The following NOSTRIN variants were observed in gnomAD, a reference collection of about 807,000 sequenced individuals.
NOSTRIN encodes nitric oxide synthase trafficking.
Under a neutral mutation model 59.0 loss-of-function variants are expected in NOSTRIN, and 63 were observed. The ratio of observed to expected loss-of-function variants is 1.07; its 90% CI spans 0.87 to 1.32. The LOEUF (loss-of-function observed/expected upper bound fraction) is 1.32. Ranked by LOEUF, NOSTRIN falls within the 40% of genes most tolerant of loss-of-function variation. NOSTRIN has a pLI of 0.00. For synonymous variants in NOSTRIN, 200 were observed against 165.4 expected (o/e 1.21, Z -1.61); for missense variants, 512 against 473.1 (o/e 1.08, Z -0.76).
chr2:168,829,300 CTTTCTT>C (rs1351091988), intron 5 of NOSTRIN, among the ~76,000 whole-genome samples: 1 of 141,940 alleles, frequency 7.0e-6, no homozygotes, highest in African/African-American at 2.6e-5. Flanking sequence ...CCTTCCTTCT[CTTTCTT>C]TTTTTTTCTC....
intron 2 of NOSTRIN, among the ~76,000 whole-genome samples, chr2:168,788,259 A>T: frequency 6.8e-6 from 1 of 148,054 alleles, no homozygotes. Flanking sequence ...AAAAAAAAAG[A>T]TGATGATATT....
chr2:168,807,897 G>A (rs1484278576), intron 1 of NOSTRIN, among the ~76,000 whole-genome samples: 1 of 152,188 alleles, frequency 6.6e-6, no homozygotes, highest in East Asian at 1.9e-4. Context: ...AGACCTGGTA[G>A]CCCATGGGTC....
upstream of NOSTRIN, among the ~76,000 whole-genome samples, chr2:168,794,673 A>G (rs1685437389): frequency 6.6e-6 from 1 of 152,154 alleles, no homozygotes; most frequent in African/African-American, 2.4e-5. Context: ...TTTAACAAGT[A>G]CTCAGAGGGC....
chr2:168,799,639 G>A (rs1685565092), upstream of NOSTRIN, among the ~76,000 whole-genome samples: 1 of 152,146 alleles, frequency 6.6e-6, no homozygotes, highest in Non-Finnish European at 1.5e-5. Flanking sequence ...TGGGGTCAGA[G>A]GAGAGAACAG....
intron 2 of NOSTRIN, among the ~76,000 whole-genome samples, 179 bp from the exon 3 acceptor site, chr2:168,824,455 C>T (rs1020789423): frequency 5.3e-5 from 8 of 152,092 alleles, no homozygotes; most frequent in African/African-American, 9.7e-5. Context: ...CCTGCCACCA[C>T]GCCTGGCTAA....
intron 10 of NOSTRIN, among the ~76,000 whole-genome samples, chr2:168,853,049 A>T (rs760936455): frequency 7.2e-5 from 11 of 152,206 alleles, no homozygotes; most frequent in Non-Finnish European, 1.2e-4. Context: ...TGAAAATTTG[A>T]CTAGGGTTCT....
chr2:168,834,507 G>GCGCGCGCGCA (rs756381301), intron 7 of NOSTRIN, among the ~76,000 whole-genome samples, 182 bp downstream of exon 7: 58 of 125,426 alleles, frequency 4.6e-4, no homozygotes, highest in Middle Eastern at 4.2e-3. Flanking sequence ...GCGCGCGCGC[G>GCGCGCGCGCA]CACACACACA....
chr2:168,853,977 C>T (rs926857790), intron 10 of NOSTRIN, among the ~76,000 whole-genome samples: 2 of 152,228 alleles, frequency 1.3e-5, no homozygotes, highest in African/African-American at 2.4e-5. Context: ...AAGTGATTCT[C>T]CTGCCCCAGC....
At position 168,828,168 on chromosome 2, in the gene NOSTRIN, A is replaced by G. The variant is rs139128272; in HGVS notation, c.208A>G (p.Ser70Gly). 3.3e-5 allele frequency: 29 copies of G among 872,894 alleles called. No homozygotes were observed. The Middle Eastern group carries it at 1.1e-3, about 33-fold the overall frequency. 54.1% of individuals were successfully genotyped at this position (872,894 alleles called of 1,614,324 possible). A position where few individuals can be genotyped will look rare whatever the true frequency, so the allele number is the denominator to read the frequency against. Residue 70 changes from serine (S) to glycine (G), a missense_variant, in exon 4 of 16, where the codon AGT (serine) becomes GGT (glycine). By Grantham distance (56) the Ser-to-Gly change is moderately conservative (BLOSUM62 0). Transcript: ENST00000317647. ...LQNTRKSCVS[S>G]AWAWASEGMK... ...TTTTTTTGCCTTTAGTTGTGTTAGC[A>G]GTGCCTGGGCCTGGGCCTCAGAGGG... is the stretch of plus-strand genomic sequence containing the variant.
At chr2:168,864,591 G>C (rs375619207) in intron 15 of NOSTRIN, among the ~76,000 whole-genome samples, 11 of 152,256 alleles carry the variant, frequency 7.2e-5, no homozygotes, top group Admixed American at 3.3e-4. Flanking sequence ...AGCCAATCCT[G>C]TCTTTAAGCA....
intron 2 of NOSTRIN, among the ~76,000 whole-genome samples, chr2:168,790,420 C>A (rs1279989698): frequency 6.6e-6 from 1 of 152,156 alleles, no homozygotes; most frequent in South Asian, 2.1e-4. Context: ...CTGGCAGACA[C>A]CATCCTAATC....
intron 3 of NOSTRIN, 37 bp from the exon 4 acceptor site, chr2:168,828,121 A>G: frequency 1.1e-6 from 1 of 872,144 alleles, no homozygotes; most frequent in South Asian, 1.3e-5. Flanking sequence ...TAGGAAAATG[A>G]CACTCACCTT....
intron 8 of NOSTRIN, chr2:168,850,783 T>C: frequency 1.3e-6 from 1 of 743,590 alleles, no homozygotes; most frequent in Non-Finnish European, 2.3e-6. Flanking sequence ...AATCCATGAT[T>C]GTGTCTCAAA....
At chr2:168,864,575 A>T (rs1689734709) in intron 15 of NOSTRIN, among the ~76,000 whole-genome samples, 1 of 152,266 alleles carries the variant, frequency 6.6e-6, no homozygotes, top group Non-Finnish European at 1.5e-5. Flanking sequence ...GTCACCCACC[A>T]CGCCCAGCCA....
intron 2 of NOSTRIN, among the ~76,000 whole-genome samples, chr2:168,823,863 G>A (rs544658772): frequency 6.6e-6 from 1 of 152,282 alleles, no homozygotes; most frequent in Admixed American, 6.5e-5. Flanking sequence ...GGTCACCTGA[G>A]GTCAGGCGTT....
At chr2:168,851,448 T>G in intron 10 of NOSTRIN, 44 bp downstream of exon 10, 1 of 1,570,066 alleles carries the variant, frequency 6.4e-7, no homozygotes, top group Non-Finnish European at 8.6e-7. Context: ...ATGGAGAATC[T>G]TAGGTACTGA....
intron 8 of NOSTRIN, among the ~76,000 whole-genome samples, chr2:168,848,670 T>G (rs1417319705): frequency 1.3e-5 from 2 of 152,172 alleles, no homozygotes; most frequent in African/African-American, 4.8e-5. Context: ...TTATGCTAAG[T>G]GAAATAGCCA....
chr2:168,834,490 TGC>T (rs145224351), intron 7 of NOSTRIN, among the ~76,000 whole-genome samples, 165 bp downstream of exon 7: 64 of 87,572 alleles, frequency 7.3e-4, no homozygotes, highest in Middle Eastern at 6.5e-3. Context: ...ATTACTGGCG[TGC>T]GCGCGCGCGC....
At chr2:168,829,104 T>A in intron 5 of NOSTRIN, among the ~76,000 whole-genome samples, 1 of 152,304 alleles carries the variant, frequency 6.6e-6, no homozygotes, top group African/African-American at 2.4e-5. Context: ...CTTATTAGCT[T>A]GGTATTATGT....
Sources: gnomAD v4.1 joint callset for allele counts (sites outside exome capture counted in the v4.1 genomes callset) on GRCh38, gnomAD v4.1.1 for gene constraint, MANE v1.5 for transcripts, NCBI Gene and HGNC (gene_info 2026-07-23, HGNC 2026-07-21) for gene names.